VASP: variants seen among roughly 807,000 people sequenced by gnomAD.
VASP encodes the protein vasodilator-stimulated phosphoprotein.
A neutral mutation model predicts 54.4 loss-of-function variants in VASP; 27 were observed. The observed-to-expected ratio is 0.50, with a 90% CI of 0.37 to 0.68. VASP has a LOEUF of 0.68. Among genes scored for constraint, VASP ranks in the 30% least tolerant of loss-of-function variants. The pLI is 0.00. For missense variants in VASP, 488 were observed against 528.3 expected (o/e 0.92, Z 0.75); for synonymous variants, 233 against 209.8 (o/e 1.11, Z -0.96).
intron 10 of VASP, 183 bp downstream of exon 10, chr19:45,524,325 C>T (rs1186545206): frequency 6.6e-6 from 5 of 761,332 alleles, no homozygotes; most frequent in Non-Finnish European, 8.7e-6. Context: ...TTACTTGAGC[C>T]CAGGAAGTTG....
intron 3 of VASP, among the ~76,000 whole-genome samples, chr19:45,519,897 T>C (rs1446419321): frequency 0.042 from 3,130 of 73,710 alleles, 197 homozygotes; most frequent in East Asian, 0.23. Flanking sequence ...GCCCGGCCTT[T>C]TTTTTTTTTT....
At chr19:45,521,747 G>A (rs1031855376) in intron 4 of VASP, among the ~76,000 whole-genome samples, 7 of 152,166 alleles carry the variant, frequency 4.6e-5, no homozygotes, top group Admixed American at 2.0e-4. Flanking sequence ...AAAATTAGCC[G>A]GTCATGGTGG....
Position 45,507,841 on chromosome 19 carries a change from C to T in VASP, c.5+65C>T, listed in dbSNP as rs1032172723. ...GGGCTCCGCGCCCCGCCTTTGTCCC[C>T]CTCCCCCCCAGCTAGCTCCGGGCTG... On this transcript the variant is annotated intron_variant, in intron 1 of 12. Coordinates refer to ENST00000245932, the MANE Select transcript of VASP (RefSeq NM_003370.4). The surrounding 1 kb of genome is among the most constrained non-coding windows in gnomAD (Gnocchi z 4.4). The T allele has an allele frequency of 4.2e-5, 45 of 1,073,138 alleles. No individual in the cohort carries two copies. In the African/African-American group the frequency reaches 6.9e-4, roughly 16 times the overall value. The allele number at this position is 1,073,138 out of a possible 1,614,324, so 66.5% of individuals were successfully genotyped here.
At chr19:45,521,936 A>G (rs1599938392) in intron 4 of VASP, among the ~76,000 whole-genome samples, 1 of 151,412 alleles carries the variant, frequency 6.6e-6, no homozygotes, top group South Asian at 2.1e-4. Flanking sequence ...TGTTCCTGAC[A>G]GTTTAGTGAC....
intron 9 of VASP, 37 bp from the exon 10 acceptor site, chr19:45,524,060 T>C (rs757140225): frequency 6.2e-7 from 1 of 1,613,938 alleles, no homozygotes; most frequent in African/African-American, 1.3e-5. Flanking sequence ...GGGCAGTCTT[T>C]TGTCCCTGAT....
intron 1 of VASP, among the ~76,000 whole-genome samples, chr19:45,512,368 AACCTCC>A (rs1968616467): frequency 6.7e-6 from 1 of 149,988 alleles, no homozygotes; most frequent in Admixed American, 6.6e-5. Flanking sequence ...AGCTCACTGC[AACCTCC>A]ACCTCCCAGG....
At position 45,521,424 on chromosome 19, in the gene VASP, G is replaced by T. The variant is rs748275556; in HGVS notation, c.428+18G>T. ...CAGAAAAGGTGGGGCTGGGCCCTGGGTGGGGAACCTTAGCCGCTGCCAGAG... is the reference window on the plus strand; with the variant it reads ...CAGAAAAGGTGGGGCTGGGCCCTGGTTGGGGAACCTTAGCCGCTGCCAGAG... On this transcript the variant is annotated intron_variant, in intron 4 of 12. Transcript: ENST00000245932. 3 of 1,530,542 alleles carry T rather than the reference G, an allele frequency of 2.0e-6. No individual in the cohort carries two copies. The highest frequency in any genetic ancestry group is 1.9e-4 in the Middle Eastern group (1 of 5,258). The allele number at this position is 1,530,542 out of a possible 1,614,324, so 94.8% of individuals were successfully genotyped here.
chr19:45,522,638 C>T (rs1461135846), intron 6 of VASP, 57 bp downstream of exon 6: 3 of 1,552,292 alleles, frequency 1.9e-6, no homozygotes, highest in Admixed American at 2.2e-5. Flanking sequence ...GGGATGAGGC[C>T]AGGGCTGCCG....
rs756018979 is a variant in VASP, at chr19:45,517,847, G to A, written c.177+13G>A. On this transcript the variant is annotated intron_variant, in intron 2 of 12. Coordinates refer to ENST00000245932, the MANE Select transcript of VASP (RefSeq NM_003370.4). ...GCCCGACCAGCAGGTGCAGCTTCCC[G>A]CCGGCCCCCTCTGTGGGCTGAACCC... 9.3e-6 allele frequency: 15 copies of A among 1,611,340 alleles called. No homozygotes were observed. The highest frequency in any genetic ancestry group is 2.2e-5 in the East Asian group (1 of 44,838).
At chr19:45,523,189 AATTTTTTTTTTTTTTTT>A (rs1968882237) in intron 7 of VASP, among the ~76,000 whole-genome samples, 1 of 106,970 alleles carries the variant, frequency 9.3e-6, no homozygotes, top group South Asian at 3.2e-4. Context: ...CAATCTCTTG[AATTTTTTTTTTTTTTTT>A]TTTTTTTTTT....
chr19:45,517,707 A>T lies in VASP; in HGVS notation c.50A>T (p.Asp17Val). 1 of 1,612,396 alleles carries T rather than the reference A, an allele frequency of 6.2e-7. No homozygotes were observed. Among genetic ancestry groups the T allele is most frequent in the Non-Finnish European group, 8.5e-7 (1 of 1,180,020 alleles). ...CSSRATVMLY[D>V]DGNKRWLPAG... is the part of the protein sequence containing the mutation. Reference sequence around the variant, plus strand: ...AGCCGGGCCACTGTGATGCTTTATGATGATGGCAACAAGCGATGGCTCCCT... The same window carrying T: ...AGCCGGGCCACTGTGATGCTTTATGTTGATGGCAACAAGCGATGGCTCCCT... The change falls in exon 2 of 13, where the codon GAT (aspartate) becomes GTT (valine). Residue 17 changes from aspartate to valine, a missense_variant. Physicochemically the swap from Asp to Val is radical, Grantham distance 152. Around this residue, in one of 4 missense-constraint regions of VASP, gnomAD observed 127 missense variants for 170.7 expected, o/e 0.74. Coordinates refer to ENST00000245932, the MANE Select transcript of VASP (RefSeq NM_003370.4).
chr19:45,525,906 C>T (rs924453172), intron 11 of VASP, 40 bp from the exon 12 acceptor site: 6 of 1,581,918 alleles, frequency 3.8e-6, no homozygotes, highest in Admixed American at 3.7e-5. Context: ...CTGCAAGTCC[C>T]GGTACCCCCT....
chr19:45,518,057 T>TGCCC lies in VASP; in HGVS notation c.309_310insCGCC (p.Ala104ArgfsTer152). On this transcript the variant is annotated frameshift_variant, in exon 3 of 13. Transcript: ENST00000245932. LOFTEE classifies it high-confidence loss of function. ...GCAGCAAGGAGGATGCGGCCCAGTTTGCCGCCGGCATGGCCAGTGCCCTAG... is the reference window on the plus strand; with the variant it reads ...GCAGCAAGGAGGATGCGGCCCAGTTTGCCCGCCGCCGGCATGGCCAGTGCCCTAG... 6.2e-7 allele frequency: 1 copy of TGCCC among 1,613,800 alleles called. No individual in the cohort carries two copies. Among genetic ancestry groups the TGCCC allele is most frequent in the Non-Finnish European group, 8.5e-7 (1 of 1,179,992 alleles).
chr19:45,517,516 T>C, intron 1 of VASP, 147 bp from the exon 2 acceptor site: 1 of 918,388 alleles, frequency 1.1e-6, no homozygotes, highest in Non-Finnish European at 1.6e-6. Context: ...CTGATCTGTC[T>C]CCCCCGTCTC....
intron 1 of VASP, among the ~76,000 whole-genome samples, chr19:45,516,319 C>A (rs956551184): frequency 6.6e-6 from 1 of 152,248 alleles, no homozygotes; most frequent in African/African-American, 2.4e-5. Context: ...GGAATGGCCG[C>A]TAGTGCCCTG....
intron 3 of VASP, among the ~76,000 whole-genome samples, chr19:45,518,621 T>C (rs1298870986): frequency 2.6e-5 from 4 of 152,084 alleles, no homozygotes. Flanking sequence ...TCCATGAACT[T>C]TACACAGGCA....
At chr19:45,513,459 GTC>G (rs1390321730) in intron 1 of VASP, among the ~76,000 whole-genome samples, 14 of 132,416 alleles carry the variant, frequency 1.1e-4, no homozygotes, top group Admixed American at 8.4e-5. Flanking sequence ...GCCCAAGCTA[GTC>G]TCTCTCCTTT....
chr19:45,519,956 G>T (rs1412721803), intron 3 of VASP, among the ~76,000 whole-genome samples: 1 of 140,240 alleles, frequency 7.1e-6, no homozygotes, highest in Non-Finnish European at 1.5e-5. Flanking sequence ...TCAGGCTGGA[G>T]TGCAGTGGTG....
At chr19:45,525,882 A>G in intron 11 of VASP, 64 bp from the exon 12 acceptor site, 4 of 1,505,560 alleles carry the variant, frequency 2.7e-6, no homozygotes, top group Non-Finnish European at 3.6e-6. Context: ...AAATAAAAGA[A>G]GGGGGATTCA....
Sources: allele counts gnomAD v4.1 joint callset (sites outside exome capture counted in the v4.1 genomes callset), GRCh38; gene constraint gnomAD v4.1.1; regional missense constraint gnomAD v4.1.1; non-coding constraint Gnocchi (gnomAD v3.1); transcripts MANE v1.5; gene names NCBI Gene and HGNC (gene_info 2026-07-23, HGNC 2026-07-21).